Variants in TENM3 observed in about 807,000 individuals in gnomAD.
The protein encoded by TENM3 is teneurin transmembrane protein 3, also known as teneurin-3.
A neutral mutation model predicts 255.1 loss-of-function variants in TENM3; 63 were observed. The observed-to-expected ratio is 0.25, with a 90% CI of 0.20 to 0.30. The LOEUF is 0.30. Ranked by LOEUF, TENM3 falls within the 10% of genes least tolerant of loss-of-function variation. The probability of loss-of-function intolerance (pLI) is 1.00; values close to 1 mark genes in which losing one functional copy is unlikely to be tolerated. For synonymous variants in TENM3, 1,306 were observed against 1,322.3 expected (o/e 0.99, Z 0.27); for missense variants, 2,929 against 3,461.1 (o/e 0.85, Z 3.86).
the TENM3 span, among the ~76,000 whole-genome samples, chr4:181,835,636 T>C: frequency 6.6e-6 from 1 of 152,210 alleles, no homozygotes; most frequent in Admixed American, 6.5e-5. Context: ...CTATTGCATA[T>C]TCAGCTAAAA....
At chr4:182,681,703 T>C (rs1561101622) in intron 10 of TENM3, 111 bp from the exon 11 acceptor site, 4 of 757,464 alleles carry the variant, frequency 5.3e-6, no homozygotes, top group South Asian at 2.0e-5. Flanking sequence ...GGTAGATAAA[T>C]ATTTGATTTT....
chr4:181,519,029 G>A, the TENM3 span, among the ~76,000 whole-genome samples: 5 of 152,204 alleles, frequency 3.3e-5, no homozygotes, highest in East Asian at 9.7e-4. Context: ...CAAGACTGGT[G>A]AGTAACAAAA....
At chr4:182,684,276 C>A (rs529836993) in intron 11 of TENM3, among the ~76,000 whole-genome samples, 17 of 151,116 alleles carry the variant, frequency 1.1e-4, no homozygotes, top group Non-Finnish European at 1.8e-4. Flanking sequence ...ATAAAAACAT[C>A]CTGCTTAGAT....
chr4:182,765,250 A>C (rs886506775), intron 22 of TENM3, among the ~76,000 whole-genome samples: 1 of 152,202 alleles, frequency 6.6e-6, no homozygotes, highest in Non-Finnish European at 1.5e-5. Flanking sequence ...GGAACATAGA[A>C]GATCTGGTGA....
At chr4:181,768,768 G>A in the TENM3 span, among the ~76,000 whole-genome samples, 1 of 152,014 alleles carries the variant, frequency 6.6e-6, no homozygotes, top group Non-Finnish European at 1.5e-5. Context: ...GTGATAGCAG[G>A]AGACATAAAA....
chr4:181,548,311 GTA>G, the TENM3 span, among the ~76,000 whole-genome samples: 1 of 152,074 alleles, frequency 6.6e-6, no homozygotes, highest in African/African-American at 2.4e-5. Flanking sequence ...CCATTACTGG[GTA>G]TATACCCAAA....
chr4:182,129,978 C>T, the TENM3 span, among the ~76,000 whole-genome samples: 1 of 152,070 alleles, frequency 6.6e-6, no homozygotes, highest in East Asian at 1.9e-4. Context: ...TACTATTGTT[C>T]TTACTGTAAA....
At chr4:182,610,743 ACTT>A (rs1411926433) in intron 4 of TENM3, among the ~76,000 whole-genome samples, 3 of 85,324 alleles carry the variant, frequency 3.5e-5, no homozygotes, top group Non-Finnish European at 7.3e-5. Flanking sequence ...AACTAAAGTT[ACTT>A]TTTTTTTTTT....
chr4:182,490,042 T>C (rs1333531849), intron 3 of TENM3, among the ~76,000 whole-genome samples: 1 of 152,178 alleles, frequency 6.6e-6, no homozygotes, highest in Non-Finnish European at 1.5e-5. Flanking sequence ...GCAGAAACTC[T>C]CAGCTGGGAA....
chr4:182,728,962 C>T lies in TENM3; in HGVS notation c.2369-3C>T, dbSNP rs763279140. ...TCTTACTGGGGAACATTTCTCTCTA[C>T]AGATGGACTCATTGACTGCATGGAT... On this transcript the variant is annotated splice_region_variant and splice_polypyrimidine_tract_variant and intron_variant, in intron 13 of 27. Coordinates refer to ENST00000511685, the MANE Select transcript of TENM3 (RefSeq NM_001080477.4). 6.2e-7 allele frequency: 1 copy of T among 1,612,804 alleles called. No individual in the cohort carries two copies. The highest frequency in any genetic ancestry group is 8.5e-7 in the Non-Finnish European group (1 of 1,178,976).
intron 1 of TENM3, among the ~76,000 whole-genome samples, chr4:182,210,541 A>T (rs1754945432): frequency 6.7e-6 from 1 of 150,372 alleles, no homozygotes; most frequent in African/African-American, 2.4e-5. Context: ...CTTGGGGTTC[A>T]TCTGATTTCT....
At chr4:181,496,537 T>G in the TENM3 span, among the ~76,000 whole-genome samples, 3 of 152,260 alleles carry the variant, frequency 2.0e-5, no homozygotes. Flanking sequence ...ACAATGTTTC[T>G]TGCCATTAAA....
chr4:182,466,236 C>T (rs1337485523), intron 3 of TENM3, among the ~76,000 whole-genome samples: 3 of 152,168 alleles, frequency 2.0e-5, no homozygotes, highest in Admixed American at 6.5e-5. Context: ...GAATTGTAGT[C>T]TCTCACAGTT....
chr4:181,639,047 AT>A, the TENM3 span, among the ~76,000 whole-genome samples: 381 of 151,950 alleles, frequency 2.5e-3, 5 homozygotes, highest in South Asian at 0.041. Flanking sequence ...TTTGTTTTGC[AT>A]TTTTTTTGAC....
chr4:181,985,993 A>G, the TENM3 span, among the ~76,000 whole-genome samples: 11 of 151,996 alleles, frequency 7.2e-5, no homozygotes, highest in African/African-American at 2.7e-4. Context: ...ATTTGACAAG[A>G]CCCACTTGCC....
At chr4:182,183,084 A>G (rs1752940435) in intron 1 of TENM3, among the ~76,000 whole-genome samples, 1 of 152,178 alleles carries the variant, frequency 6.6e-6, no homozygotes, top group Non-Finnish European at 1.5e-5. Flanking sequence ...ATTTGATGAG[A>G]ATATTAGATG....
the TENM3 span, among the ~76,000 whole-genome samples, chr4:181,480,121 G>A: frequency 3.0e-3 from 457 of 151,946 alleles, 4 homozygotes; most frequent in African/African-American, 0.01. Flanking sequence ...GTCTTACACC[G>A]AAACCTAGAT....
chr4:181,899,856 G>A, the TENM3 span, among the ~76,000 whole-genome samples: 2 of 152,010 alleles, frequency 1.3e-5, no homozygotes, highest in Non-Finnish European at 2.9e-5. Context: ...TATGTTTTTT[G>A]TATAGGATCC....
At chr4:182,368,489 C>T (rs948589246) in intron 3 of TENM3, among the ~76,000 whole-genome samples, 1 of 152,174 alleles carries the variant, frequency 6.6e-6, no homozygotes, top group Non-Finnish European at 1.5e-5. Flanking sequence ...TAGTTCCTTA[C>T]TAACTTAGTT....
Sources: gnomAD v4.1 joint callset for allele counts (sites outside exome capture counted in the v4.1 genomes callset) on GRCh38, gnomAD v4.1.1 for gene constraint, MANE v1.5 for transcripts, NCBI Gene and HGNC (gene_info 2026-07-23, HGNC 2026-07-21) for gene names.